ACACA: variants seen among roughly 807,000 people sequenced by gnomAD.
ACACA encodes acetyl-CoA carboxylase 1.
A neutral mutation model predicts 296.1 loss-of-function variants in ACACA; 103 were observed. That is an observed-to-expected ratio of 0.35 (90% CI 0.30 to 0.41). ACACA has a LOEUF of 0.41. Among genes scored for constraint, ACACA ranks in the 10% least tolerant of loss-of-function variants. The pLI, the probability that ACACA is intolerant of heterozygous loss-of-function variation, is 1.00. For missense variants in ACACA, 1,554 were observed against 2,989.7 expected, an observed-to-expected ratio of 0.52 and a Z score of 11.20; for synonymous variants, 953 against 1,038.6, an observed-to-expected ratio of 0.92 and a Z score of 1.58.
intron 1 of ACACA, among the ~76,000 whole-genome samples, chr17:37,390,253 TTA>T (rs1342706620): frequency 5.7e-5 from 2 of 35,086 alleles, no homozygotes; most frequent in Non-Finnish European, 8.3e-5. Flanking sequence ...TATATATATA[TTA>T]TATATAATTA....
In ACACA at chr17:37,089,212, CAGG is replaced by C. The variant is rs2072439897; in HGVS notation, c.6892-141_6892-139del. 4 of 1,311,108 alleles carry C rather than the reference CAGG, an allele frequency of 3.1e-6. No individual in the cohort carries two copies. The African/African-American group carries it at 4.3e-5, about 14-fold the overall frequency. The allele number at this position is 1,311,108 out of a possible 1,614,324, so 81.2% of individuals were successfully genotyped here. On this transcript the variant is annotated intron_variant, in intron 54 of 55. Coordinates refer to ENST00000616317, the MANE Select transcript of ACACA (RefSeq NM_198834.3). ...ATTCTCCTTCACTGTCAGCATCGTGCAGGAGGAGGAAGTAGGCCTCGAGGCAGG... is the reference window on the plus strand; with the variant it reads ...ATTCTCCTTCACTGTCAGCATCGTGCAGGAGGAAGTAGGCCTCGAGGCAGG...
intron 27 of ACACA, among the ~76,000 whole-genome samples, chr17:37,224,776 T>C (rs1471059593): frequency 6.6e-6 from 1 of 152,036 alleles, no homozygotes; most frequent in Admixed American, 6.6e-5. Flanking sequence ...CAGGCCTATT[T>C]GATTTTTAAG....
At chr17:37,253,382 ACT>A (rs1029823067) in intron 14 of ACACA, among the ~76,000 whole-genome samples, 20 of 152,148 alleles carry the variant, frequency 1.3e-4, no homozygotes, top group African/African-American at 4.1e-4. Context: ...ACAGAGCGAG[ACT>A]CTGTCCCCCC....
chr17:37,089,466 C>CTGTT (rs1265009894), intron 54 of ACACA, among the ~76,000 whole-genome samples: 2 of 152,158 alleles, frequency 1.3e-5, no homozygotes, highest in Non-Finnish European at 2.9e-5. Context: ...GAAGGCAAGG[C>CTGTT]TGTTTATTTG....
intron 54 of ACACA, among the ~76,000 whole-genome samples, chr17:37,095,704 C>G (rs1021370030): frequency 2.0e-5 from 3 of 152,170 alleles, no homozygotes; most frequent in East Asian, 3.8e-4. Flanking sequence ...ATATTTTGAG[C>G]ACATACTACC....
chr17:37,272,053 G>GT (rs1427403384), intron 9 of ACACA, among the ~76,000 whole-genome samples: 3 of 152,012 alleles, frequency 2.0e-5, no homozygotes, highest in Non-Finnish European at 4.4e-5. Flanking sequence ...TCTTTAAAAT[G>GT]TATCACCAGG....
At position 37,403,918 on chromosome 17, in the gene ACACA, A is replaced by C. The variant is rs150469001; in HGVS notation, c.38+2344T>G. Among the ~76,000 whole-genome samples, 887 of 152,272 alleles carry C rather than the reference A, an allele frequency of 5.8e-3. 5 individuals carry two copies. Among genetic ancestry groups the C allele is most frequent in the African/African-American group, 0.018 (767 of 41,550 alleles). ...CTCCCAAGAAGCTGGGATTACAGGC[A>C]TGCGCCACCACACCCAGCTAATTGT... is the stretch of plus-strand genomic sequence containing the variant. On this transcript the variant is annotated intron_variant, in intron 1 of 55. Coordinates refer to ENST00000616317, the MANE Select transcript of ACACA (RefSeq NM_198834.3).
In ACACA at chr17:37,258,291, T is replaced by C. The variant is rs767602061; in HGVS notation, c.1583A>G (p.Asp528Gly). The C allele has an allele frequency of 1.2e-6, 2 of 1,614,036 alleles. No homozygotes were observed. Among genetic ancestry groups the C allele is most frequent in the South Asian group, 1.1e-5 (1 of 91,070 alleles). The change falls in exon 13 of 56, where the codon GAT (aspartate) becomes GGT (glycine). Residue 528 changes from aspartate (D) to glycine (G), a missense_variant. Physicochemically the swap from Asp to Gly is moderately conservative, Grantham distance 94. This residue lies in a region of ACACA where 37 missense variants were observed against 49.9 expected (regional missense o/e 0.74). Transcript: ENST00000616317. ...AGGAACGTGTGCAGAATCTTCAAAA[T>C]CAATGGGAGAATCACCCCAGGGAGA... is the stretch of plus-strand genomic sequence containing the variant. ...GVSPWGDSPIDFEDSAHVPCP... is the reference protein window; with the variant it reads ...GVSPWGDSPIGFEDSAHVPCP...
At chr17:37,355,558 AAAAAT>A (rs1342162622) in intron 1 of ACACA, among the ~76,000 whole-genome samples, 8 of 151,876 alleles carry the variant, frequency 5.3e-5, no homozygotes, top group African/African-American at 1.9e-4. Context: ...TCTGTCTCAA[AAAAAT>A]AAAATAAAAT....
intron 39 of ACACA, among the ~76,000 whole-genome samples, chr17:37,187,221 G>A (rs1022148585): frequency 1.6e-4 from 25 of 152,232 alleles, no homozygotes; most frequent in Admixed American, 5.2e-4. Flanking sequence ...AGGAATCAAA[G>A]CACAAAATGA....
intron 1 of ACACA, among the ~76,000 whole-genome samples, chr17:37,349,059 T>A (rs2048766594): frequency 6.6e-6 from 1 of 151,296 alleles, no homozygotes. Context: ...CTTTATTATT[T>A]ATTATTATTA....
At chr17:37,323,680 A>T (rs775715524) in intron 3 of ACACA, among the ~76,000 whole-genome samples, 16 of 152,234 alleles carry the variant, frequency 1.1e-4, no homozygotes, top group African/African-American at 2.7e-4. Context: ...GTGGATTTTT[A>T]AAAAAGAGGA....
At chr17:37,236,124 T>C (rs1359778883) in intron 24 of ACACA, among the ~76,000 whole-genome samples, 1 of 152,218 alleles carries the variant, frequency 6.6e-6, no homozygotes, top group Admixed American at 6.5e-5. Flanking sequence ...ACGTTCAAAC[T>C]GCATTATCAT....
intron 41 of ACACA, among the ~76,000 whole-genome samples, chr17:37,175,605 T>C (rs1310687689): frequency 6.6e-6 from 1 of 152,202 alleles, no homozygotes; most frequent in African/African-American, 2.4e-5. Flanking sequence ...AGAAATGAGA[T>C]CCGTTTAGTC....
At position 37,147,537 on chromosome 17, in the gene ACACA, T is replaced by C. The variant is rs544380369; in HGVS notation, c.5679+2327A>G. On this transcript the variant is annotated intron_variant, in intron 45 of 55. Transcript: ENST00000616317. ...GTCAGAGGAAGCCATCTGAGCATGG[T>C]AGTTTCCTTTTTTCATACCTTATAG... 2.2e-4 allele frequency among the ~76,000 whole-genome samples: 33 copies of C among 152,194 alleles called. No individual in the cohort carries two copies. In the South Asian group the frequency reaches 6.9e-3, roughly 32 times the overall value.
intron 50 of ACACA, among the ~76,000 whole-genome samples, chr17:37,119,895 C>CTTT (rs36029062): frequency 3.0e-5 from 4 of 134,420 alleles, no homozygotes; most frequent in African/African-American, 5.7e-5. Flanking sequence ...TTCTTTCTTT[C>CTTT]TTTTTTTTTT....
chr17:37,248,992 A>G (rs1349258073), intron 16 of ACACA, among the ~76,000 whole-genome samples: 2 of 152,178 alleles, frequency 1.3e-5, no homozygotes, highest in Non-Finnish European at 2.9e-5. Flanking sequence ...GTGAAACTCT[A>G]CACCCATTAA....
At position 37,400,046 on chromosome 17, in the gene ACACA, A is replaced by AT. The variant is rs550679276; in HGVS notation, c.38+6215dup. Reference sequence around the variant, plus strand: ...TATATACCCATTACCGCAAATACTTATTTTTTTGTGTGGTAAGAACAACTA... The same window carrying AT: ...TATATACCCATTACCGCAAATACTTATTTTTTTTGTGTGGTAAGAACAACTA... On this transcript the variant is annotated intron_variant, in intron 1 of 55. Transcript: ENST00000616317. Among the ~76,000 whole-genome samples, 214 of 152,064 alleles carry AT rather than the reference A, an allele frequency of 1.4e-3. 1 individual carries two copies. The highest frequency in any genetic ancestry group is 6.8e-3 in the Middle Eastern group (2 of 294).
At chr17:37,184,689 A>T (rs1489046256) in intron 39 of ACACA, among the ~76,000 whole-genome samples, 6 of 152,048 alleles carry the variant, frequency 3.9e-5, no homozygotes, top group Non-Finnish European at 8.8e-5. Context: ...GTCTCTAAAA[A>T]AATTTAAAAA....
Sources: allele counts gnomAD v4.1 joint callset (sites outside exome capture counted in the v4.1 genomes callset), GRCh38; gene constraint gnomAD v4.1.1; regional missense constraint gnomAD v4.1.1; transcripts MANE v1.5; gene names NCBI Gene and HGNC (gene_info 2026-07-23, HGNC 2026-07-21).